Variants in RELN observed in about 807,000 individuals in gnomAD.
RELN encodes reelin.
A neutral mutation model predicts 427.6 loss-of-function variants in RELN; 108 were observed. The ratio of observed to expected loss-of-function variants is 0.25; its 90% confidence interval spans 0.22 to 0.30. The LOEUF (loss-of-function observed/expected upper bound fraction) is 0.30. Ranked by LOEUF, RELN falls within the 10% of genes least tolerant of loss-of-function variation. The probability of loss-of-function intolerance (pLI) is 1.00; values close to 1 mark genes in which losing one functional copy is unlikely to be tolerated. For missense variants in RELN, 3,715 were observed against 4,302.8 expected (o/e 0.86, Z 3.82); for synonymous variants, 1,524 against 1,513.4 (o/e 1.01, Z -0.16).
At chr7:103,930,092 G>A (rs897625428) in intron 1 of RELN, among the ~76,000 whole-genome samples, 3 of 152,124 alleles carry the variant, frequency 2.0e-5, no homozygotes, top group African/African-American at 7.2e-5. Context: ...CCACAGATGG[G>A]GTGGTATAAA....
At chr7:103,713,301 A>G (rs1240392078) in intron 8 of RELN, among the ~76,000 whole-genome samples, 1 of 152,190 alleles carries the variant, frequency 6.6e-6, no homozygotes, top group African/African-American at 2.4e-5. Context: ...TTTGGTATAG[A>G]AAGATCATAA....
At chr7:103,867,794 T>G (rs574684660) in intron 2 of RELN, among the ~76,000 whole-genome samples, 1 of 152,160 alleles carries the variant, frequency 6.6e-6, no homozygotes, top group Non-Finnish European at 1.5e-5. Context: ...TATTTCATTT[T>G]ACAGAATAGT....
intron 2 of RELN, among the ~76,000 whole-genome samples, chr7:103,915,863 C>T (rs1267337381): frequency 1.3e-5 from 2 of 152,058 alleles, no homozygotes; most frequent in African/African-American, 2.4e-5. Flanking sequence ...TACTTATGTA[C>T]TTATATACAT....
intron 19 of RELN, among the ~76,000 whole-genome samples, chr7:103,632,851 TGATAG>T (rs1216402288): frequency 1.3e-5 from 2 of 152,042 alleles, no homozygotes; most frequent in East Asian, 3.9e-4. Context: ...TTGGATGACA[TGATAG>T]AACAAAGAGG....
intron 1 of RELN, among the ~76,000 whole-genome samples, chr7:103,926,637 T>G (rs1305210890): frequency 1.3e-4 from 3 of 23,762 alleles, no homozygotes. Flanking sequence ...GTTTTTTTTT[T>G]TTTTTTTTTT....
chr7:103,580,582 T>TA (rs1364603679), intron 28 of RELN, among the ~76,000 whole-genome samples: 6 of 152,212 alleles, frequency 3.9e-5, no homozygotes, highest in Admixed American at 3.3e-4. Flanking sequence ...TTAATTATTT[T>TA]TTTTATTTCA....
chr7:103,833,565 G>A lies in RELN; in HGVS notation c.445C>T (p.Pro149Ser), dbSNP rs374263472. Residue 149 changes from proline (P) to serine (S), a missense_variant, in exon 3 of 65, where the codon CCT (proline) becomes TCT (serine). Coordinates refer to ENST00000428762, the MANE Select transcript of RELN (RefSeq NM_005045.4). The stretch of plus-strand genomic sequence containing the variant: ...AAATTCACACAGCCTGTGCCCGCAG[G>A]TGGAGCAATCCAGATGAAACTGAGG... ...TNLSFIWIAPPAGTGCVNFMA... is the reference protein window; with the variant it reads ...TNLSFIWIAPSAGTGCVNFMA... 9.3e-6 allele frequency: 15 copies of A among 1,613,946 alleles called. No homozygotes were observed. In the African/African-American group the frequency reaches 1.5e-4, roughly 16 times the overall value.
At position 103,561,792 on chromosome 7, in the gene RELN, C is replaced by T. The variant is rs755803745; in HGVS notation, c.5351+21G>A. On this transcript the variant is annotated intron_variant, in intron 35 of 64. Transcript: ENST00000428762. ...TATTTTTGCGTTACAAAGAAAGAAA[C>T]TGTCAGTTTTATTAACTTACACACA... 7 of 1,613,904 alleles carry T rather than the reference C, an allele frequency of 4.3e-6. No homozygotes were observed. The South Asian group carries it at 7.7e-5, about 18-fold the overall frequency.
intron 1 of RELN, among the ~76,000 whole-genome samples, chr7:103,967,429 T>C (rs761836571): frequency 6.6e-6 from 1 of 152,162 alleles, no homozygotes; most frequent in Non-Finnish European, 1.5e-5. Context: ...GGTGGTTGTC[T>C]GCACTTTCCA....
intron 28 of RELN, among the ~76,000 whole-genome samples, chr7:103,589,050 A>T (rs1211523037): frequency 6.6e-6 from 1 of 152,114 alleles, no homozygotes; most frequent in African/African-American, 2.4e-5. Context: ...ATATTGAAAA[A>T]CTTTCTCAGT....
intron 4 of RELN, among the ~76,000 whole-genome samples, chr7:103,756,405 A>G (rs777653672): frequency 3.9e-5 from 6 of 152,208 alleles, no homozygotes; most frequent in Non-Finnish European, 8.8e-5. Flanking sequence ...GCTTATTTTT[A>G]TAGCATGCTG....
chr7:103,480,075 G>T (rs941392975), intron 63 of RELN, among the ~76,000 whole-genome samples: 1 of 152,122 alleles, frequency 6.6e-6, no homozygotes, highest in African/African-American at 2.4e-5. Flanking sequence ...CGTAGGGTTT[G>T]TATCTCTTAA....
chr7:103,485,682 G>A (rs562721623), intron 61 of RELN, among the ~76,000 whole-genome samples: 1 of 152,148 alleles, frequency 6.6e-6, no homozygotes, highest in Admixed American at 6.5e-5. Context: ...ACTCTACTCT[G>A]CATTAACCCT....
At chr7:103,561,234 T>C (rs1830634255) in intron 36 of RELN, among the ~76,000 whole-genome samples, 1 of 152,160 alleles carries the variant, frequency 6.6e-6, no homozygotes, top group African/African-American at 2.4e-5. Flanking sequence ...TAACATAAAA[T>C]CTTAGACTAT....
intron 6 of RELN, among the ~76,000 whole-genome samples, chr7:103,741,651 G>A (rs969412816): frequency 9.6e-6 from 1 of 104,020 alleles, no homozygotes; most frequent in African/African-American, 4.1e-5. Context: ...AGGAAGAGAT[G>A]AAAGCAAGAG....
At chr7:103,761,861 T>C (rs1186784766) in intron 4 of RELN, among the ~76,000 whole-genome samples, 7 of 152,072 alleles carry the variant, frequency 4.6e-5, no homozygotes, top group Non-Finnish European at 1.0e-4. Flanking sequence ...ATGTGAGAAA[T>C]TGCAGGTATA....
chr7:103,587,131 G>T (rs1286197126), intron 28 of RELN, among the ~76,000 whole-genome samples: 2 of 152,060 alleles, frequency 1.3e-5, no homozygotes, highest in Admixed American at 6.6e-5. Context: ...TTCAAATTAT[G>T]CTACAAAGCA....
At chr7:103,847,133 G>A (rs1157934437) in intron 2 of RELN, among the ~76,000 whole-genome samples, 7 of 152,080 alleles carry the variant, frequency 4.6e-5, no homozygotes, top group Admixed American at 2.6e-4. Context: ...TGTTTATTGC[G>A]GCACTGTTCA....
rs377256628 is a variant in RELN at position 103,670,428 on chromosome 7, G to C, written c.1290-8901C>G. Among the ~76,000 whole-genome samples the C allele has an allele frequency of 1.4e-4, 22 of 152,172 alleles. No individual in the cohort carries two copies. In the South Asian group the frequency reaches 3.7e-3, roughly 26 times the overall value. ...TTCAGTTAGATTAACTGGCCTTTGT[G>C]AAATAATGAAGGTCTATATTTATTG... On this transcript the variant is annotated intron_variant, in intron 11 of 64. Transcript: ENST00000428762.
Sources: gnomAD v4.1 joint callset for allele counts (sites outside exome capture counted in the v4.1 genomes callset) on GRCh38, gnomAD v4.1.1 for gene constraint, MANE v1.5 for transcripts, NCBI Gene and HGNC (gene_info 2026-07-23, HGNC 2026-07-21) for gene names.